The following FGF9 variants were observed in gnomAD, a reference collection of about 807,000 sequenced individuals.
The protein encoded by FGF9 is fibroblast growth factor 9 (glia-activating factor).
Under a neutral mutation model 19.9 loss-of-function variants are expected in FGF9, and 3 were observed. That is an observed-to-expected ratio of 0.15 (90% CI 0.07 to 0.39). The LOEUF is 0.39. Among genes scored for constraint, FGF9 ranks in the 10% least tolerant of loss-of-function variants. FGF9 has a pLI of 1.00. For synonymous variants in FGF9, 107 were observed against 106.9 expected (o/e 1.00, Z -0.01); for missense variants, 175 against 256.8 (o/e 0.68, Z 2.18).
At chr13:21,683,186 A>G (rs1872083021) in intron 2 of FGF9, among the ~76,000 whole-genome samples, 1 of 152,232 alleles carries the variant, frequency 6.6e-6, no homozygotes, top group African/African-American at 2.4e-5. Flanking sequence ...TTATTGGTTG[A>G]CAAGGAGAGC....
chr13:21,689,110 A>T (rs923607392), intron 2 of FGF9, among the ~76,000 whole-genome samples: 1 of 152,114 alleles, frequency 6.6e-6, no homozygotes, highest in African/African-American at 2.4e-5. Context: ...TTTTCCTAAG[A>T]ACAGGTGCAG....
At chr13:21,684,933 C>T (rs1426796098) in intron 2 of FGF9, among the ~76,000 whole-genome samples, 3 of 152,172 alleles carry the variant, frequency 2.0e-5, no homozygotes, top group African/African-American at 7.2e-5. Context: ...GTCTGTTCCT[C>T]CAGCAGGTGA....
rs1282549391 is a variant in FGF9 at position 21,702,434 on chromosome 13, G to A, written c.*999G>A. 1 of 152,114 alleles carries A rather than the reference G, an allele frequency of 6.6e-6. No individual in the cohort carries two copies. 9.4% of individuals were successfully genotyped at this position (152,114 alleles called of 1,614,324 possible). A position where few individuals can be genotyped will look rare whatever the true frequency, so the allele number is the denominator to read the frequency against. On this transcript the variant is annotated 3_prime_UTR_variant, in exon 3 of 3. Transcript: ENST00000382353. ...CTCTCTCATAAGTGACTCCACTATT[G>A]TAACTTCATGGTTGGAAAATATGAG...
At chr13:21,686,182 C>T (rs969601080) in intron 2 of FGF9, among the ~76,000 whole-genome samples, 1 of 152,200 alleles carries the variant, frequency 6.6e-6, no homozygotes, top group Non-Finnish European at 1.5e-5. Context: ...GTGCGTGCCA[C>T]CAAGCCTGGC....
chr13:21,701,700 AGTGTGTGT>A lies in FGF9; in HGVS notation c.*266_*273del, dbSNP rs1349975968. 3.8e-4 allele frequency: 167 copies of A among 441,924 alleles called. No homozygotes were observed. In the African/African-American group the frequency reaches 4.3e-3, roughly 11 times the overall value. The allele number at this position is 441,924 out of a possible 1,614,324, so 27.4% of individuals were successfully genotyped here. A position where few individuals can be genotyped will look rare whatever the true frequency, so the allele number is the denominator to read the frequency against. ...AGAGAGAGAGAGACTGAGCGCTAGG[AGTGTGTGT>A]ATGTGTGTGTGTGTGTGTGTGTGTG... On this transcript the variant is annotated 3_prime_UTR_variant, in exon 3 of 3. Transcript: ENST00000382353.
chr13:21,673,528 A>G (rs1389764679), intron 1 of FGF9, among the ~76,000 whole-genome samples: 5 of 152,238 alleles, frequency 3.3e-5, no homozygotes, highest in African/African-American at 1.2e-4. Context: ...TTGCTTTGCA[A>G]TTATTCAGTT....
At chr13:21,698,260 G>A (rs566565123) in intron 2 of FGF9, among the ~76,000 whole-genome samples, 63 of 152,308 alleles carry the variant, frequency 4.1e-4, no homozygotes, top group Non-Finnish European at 8.1e-4. Flanking sequence ...CAGACCAGGC[G>A]CAAATTGCTT....
chr13:21,674,560 C>A (rs920088336), intron 1 of FGF9, among the ~76,000 whole-genome samples: 1 of 151,832 alleles, frequency 6.6e-6, no homozygotes, highest in Non-Finnish European at 1.5e-5. Context: ...CGCGGCGGGC[C>A]CGAGCCGGTT....
chr13:21,671,774 T>G lies in FGF9; in HGVS notation c.-139T>G. ...TACTTTTATTTATGCATTTAATGGA[T>G]TGAAGAAAAGAACCTTTTTTTTCTC... On this transcript the variant is annotated 5_prime_UTR_variant, in exon 1 of 3. Transcript: ENST00000382353. 2.1e-6 allele frequency: 2 copies of G among 966,520 alleles called. No individual in the cohort carries two copies. Among genetic ancestry groups the G allele is most frequent in the Non-Finnish European group, 3.2e-6 (2 of 623,498 alleles). 59.9% of individuals were successfully genotyped at this position (966,520 alleles called of 1,614,324 possible).
In FGF9 at chr13:21,691,941, A is replaced by G. The variant is rs920741483; in HGVS notation, c.382-9249A>G. 1.3e-5 allele frequency among the ~76,000 whole-genome samples: 2 copies of G among 151,492 alleles called. No individual in the cohort carries two copies. The highest frequency in any genetic ancestry group is 2.9e-5 in the Non-Finnish European group (2 of 67,916). On this transcript the variant is annotated intron_variant, in intron 2 of 2. Transcript: ENST00000382353. This position sits in a 1 kb window ranked among gnomAD's most constrained non-coding sequence, Gnocchi z 4.2. ...GCTGTCTTCTTCATGCTGTCTCTAA[A>G]TGCTTACGATCCTGACATTAATTGA...
intron 2 of FGF9, among the ~76,000 whole-genome samples, chr13:21,698,492 A>G (rs1872466851): frequency 1.3e-5 from 2 of 152,214 alleles, no homozygotes; most frequent in Non-Finnish European, 2.9e-5. Flanking sequence ...AGATGAGGTT[A>G]CTGAGACTTG....
intron 1 of FGF9, among the ~76,000 whole-genome samples, chr13:21,677,700 C>T (rs929433516): frequency 3.3e-5 from 5 of 152,164 alleles, no homozygotes; most frequent in East Asian, 1.9e-4. Context: ...GTGACTCCTA[C>T]GTTCAGTTGG....
intron 2 of FGF9, among the ~76,000 whole-genome samples, chr13:21,698,100 G>A (rs1241574170): frequency 6.6e-6 from 1 of 152,310 alleles, no homozygotes; most frequent in African/African-American, 2.4e-5. Context: ...GAGCCACTGC[G>A]CCCGGCCCCC....
At chr13:21,675,663 G>C (rs1871898588) in intron 1 of FGF9, among the ~76,000 whole-genome samples, 1 of 152,226 alleles carries the variant, frequency 6.6e-6, no homozygotes, top group African/African-American at 2.4e-5. Context: ...CTCTAGAAAA[G>C]AGTAACTGTA....
At chr13:21,698,017 C>T (rs927186084) in intron 2 of FGF9, among the ~76,000 whole-genome samples, 3 of 152,126 alleles carry the variant, frequency 2.0e-5, no homozygotes, top group Non-Finnish European at 4.4e-5. Flanking sequence ...ACCGTGTTAG[C>T]CAGGATGGTC....
intron 2 of FGF9, among the ~76,000 whole-genome samples, chr13:21,698,087 C>G (rs567999285): frequency 1.3e-5 from 2 of 152,206 alleles, no homozygotes; most frequent in Non-Finnish European, 1.5e-5. Context: ...GGATTACAGG[C>G]GTGAGCCACT....
Position 21,703,564 on chromosome 13 carries a change from C to G in FGF9, c.*2129C>G, listed in dbSNP as rs1484976606. On this transcript the variant is annotated 3_prime_UTR_variant, in exon 3 of 3. Coordinates refer to ENST00000382353, the MANE Select transcript of FGF9 (RefSeq NM_002010.3). ...GCATTTAATTCCAAAAAGTAGTATT[C>G]TTATTTATTATTTAACCCTTTGCTG... The G allele has an allele frequency of 6.6e-6, 1 of 152,052 alleles. No homozygotes were observed. Among genetic ancestry groups the G allele is most frequent in the Non-Finnish European group, 1.5e-5 (1 of 68,016 alleles). 9.4% of individuals were successfully genotyped at this position (152,052 alleles called of 1,614,324 possible). A position where few individuals can be genotyped will look rare whatever the true frequency, so the allele number is the denominator to read the frequency against.
chr13:21,671,858 T>C lies in FGF9; in HGVS notation c.-55T>C. 1 of 1,608,372 alleles carries C rather than the reference T, an allele frequency of 6.2e-7. No homozygotes were observed. On this transcript the variant is annotated 5_prime_UTR_variant, in exon 1 of 3. Coordinates refer to ENST00000382353, the MANE Select transcript of FGF9 (RefSeq NM_002010.3). The stretch of plus-strand genomic sequence containing the variant: ...TGGATATACCTCGCCTAATATCTCC[T>C]GGGTTGACACCATCATTATTGTTTA...
At chr13:21,678,923 A>G (rs1422161583) in intron 1 of FGF9, among the ~76,000 whole-genome samples, 1 of 152,236 alleles carries the variant, frequency 6.6e-6, no homozygotes, top group African/African-American at 2.4e-5. Flanking sequence ...GAAGATATTC[A>G]CATACATGTG....
Sources: allele counts gnomAD v4.1 joint callset (sites outside exome capture counted in the v4.1 genomes callset), GRCh38; gene constraint gnomAD v4.1.1; non-coding constraint Gnocchi (gnomAD v3.1); transcripts MANE v1.5; gene names NCBI Gene and HGNC (gene_info 2026-07-23, HGNC 2026-07-21).